The following GNAQ variants were observed in gnomAD, a reference collection of about 807,000 sequenced individuals.
The protein encoded by GNAQ is guanine nucleotide-binding protein G(q) subunit alpha.
Under a neutral mutation model 43.9 loss-of-function variants are expected in GNAQ, and 8 were observed. That is an observed-to-expected ratio of 0.18 (90% confidence interval 0.11 to 0.33). The LOEUF is 0.33. GNAQ is among the 10% of genes least tolerant of loss of function. GNAQ has a pLI of 1.00. For synonymous variants in GNAQ, 155 were observed against 170.7 expected, an observed-to-expected ratio of 0.91 and a Z score of 0.71; for missense variants, 158 against 450.8, an observed-to-expected ratio of 0.35 and a Z score of 5.88.
chr9:77,788,828 G>A (rs1480360735), intron 5 of GNAQ, among the ~76,000 whole-genome samples: 2 of 152,188 alleles, frequency 1.3e-5, no homozygotes, highest in Non-Finnish European at 1.5e-5. Context: ...CACTGTCACT[G>A]AGGGAAGCTA....
intron 5 of GNAQ, among the ~76,000 whole-genome samples, chr9:77,747,982 T>C (rs749441136): frequency 6.6e-6 from 1 of 152,142 alleles, no homozygotes; most frequent in Non-Finnish European, 1.5e-5. Flanking sequence ...CATGTGAACA[T>C]TCCTCATGTT....
chr9:77,848,502 T>G (rs1278824818), intron 2 of GNAQ, among the ~76,000 whole-genome samples: 4 of 152,252 alleles, frequency 2.6e-5, no homozygotes, highest in Non-Finnish European at 5.9e-5. Context: ...ATTGGCCTGT[T>G]TTCCCTGACA....
chr9:77,824,354 C>G (rs1291853443), intron 2 of GNAQ, among the ~76,000 whole-genome samples: 4 of 152,156 alleles, frequency 2.6e-5, no homozygotes, highest in Admixed American at 6.5e-5. Flanking sequence ...AGTAATCTCA[C>G]TCTATTATGT....
At chr9:77,743,086 C>CGTCT (rs1224808688) in intron 5 of GNAQ, among the ~76,000 whole-genome samples, 1 of 152,028 alleles carries the variant, frequency 6.6e-6, no homozygotes, top group African/African-American at 2.4e-5. Context: ...GGTGAAACCC[C>CGTCT]GTCTCTACTA....
At chr9:77,829,221 T>C (rs1309771906) in intron 2 of GNAQ, among the ~76,000 whole-genome samples, 6 of 152,228 alleles carry the variant, frequency 3.9e-5, no homozygotes, top group Admixed American at 3.3e-4. Context: ...ATTACTTTAT[T>C]TGAAGGTTTT....
At chr9:77,838,230 A>G (rs1368017425) in intron 2 of GNAQ, among the ~76,000 whole-genome samples, 2 of 126,664 alleles carry the variant, frequency 1.6e-5, no homozygotes, top group Admixed American at 1.9e-4. Flanking sequence ...CGCAACCTCC[A>G]CCTCCTGGGT....
intron 2 of GNAQ, among the ~76,000 whole-genome samples, chr9:77,828,953 G>A (rs906678380): frequency 6.6e-6 from 1 of 152,152 alleles, no homozygotes; most frequent in African/African-American, 2.4e-5. Context: ...CAGTGGTATG[G>A]CATGGGCACC....
chr9:77,903,664 T>A (rs1219916683), intron 2 of GNAQ, among the ~76,000 whole-genome samples: 2 of 152,096 alleles, frequency 1.3e-5, no homozygotes, highest in Admixed American at 1.3e-4. Flanking sequence ...GCAAAATAAT[T>A]TCTGACACTA....
At chr9:77,938,729 G>A (rs1402193775) in intron 1 of GNAQ, among the ~76,000 whole-genome samples, 2 of 152,198 alleles carry the variant, frequency 1.3e-5, no homozygotes, top group African/African-American at 4.8e-5. Flanking sequence ...GAAAACTGGT[G>A]AAGTGTGAAG....
At chr9:77,817,130 G>A (rs1020094741) in intron 2 of GNAQ, among the ~76,000 whole-genome samples, 2 of 152,152 alleles carry the variant, frequency 1.3e-5, no homozygotes, top group African/African-American at 4.8e-5. Flanking sequence ...CCAGCCTGGA[G>A]TCCTGTTCCT....
chr9:77,954,372 G>A (rs1162467768), intron 1 of GNAQ, among the ~76,000 whole-genome samples: 7 of 152,204 alleles, frequency 4.6e-5, no homozygotes, highest in Admixed American at 3.9e-4. Flanking sequence ...GTGCTAATAC[G>A]ATGTCAACCT....
intron 6 of GNAQ, among the ~76,000 whole-genome samples, chr9:77,724,917 A>G (rs138198863): frequency 3.3e-4 from 50 of 151,594 alleles, no homozygotes; most frequent in African/African-American, 1.2e-3. Flanking sequence ...TCAATGTACT[A>G]TTAACTCCAG....
chr9:77,790,362 C>T (rs1411728809), intron 5 of GNAQ, among the ~76,000 whole-genome samples: 1 of 152,154 alleles, frequency 6.6e-6, no homozygotes, highest in African/African-American at 2.4e-5. Flanking sequence ...ATTTTTAGAG[C>T]AGAACAAAGT....
chr9:77,863,343 C>T (rs749699133), intron 2 of GNAQ, among the ~76,000 whole-genome samples: 1 of 152,182 alleles, frequency 6.6e-6, no homozygotes, highest in Non-Finnish European at 1.5e-5. Flanking sequence ...CGTTGCCAGG[C>T]TCTTTGTTAA....
intron 2 of GNAQ, among the ~76,000 whole-genome samples, chr9:77,872,277 T>C (rs1828050265): frequency 6.6e-6 from 1 of 152,182 alleles, no homozygotes; most frequent in Non-Finnish European, 1.5e-5. Flanking sequence ...TATGTGAAAA[T>C]TCCTAACATC....
chr9:77,956,346 T>G (rs1040880163), intron 1 of GNAQ, among the ~76,000 whole-genome samples: 1 of 152,238 alleles, frequency 6.6e-6, no homozygotes, highest in Non-Finnish European at 1.5e-5. Flanking sequence ...AATTTAAGAT[T>G]CCTAGCTATC....
chr9:78,027,648 G>C (rs932413615), intron 1 of GNAQ, among the ~76,000 whole-genome samples: 3 of 151,822 alleles, frequency 2.0e-5, no homozygotes, highest in Non-Finnish European at 4.4e-5. Flanking sequence ...CTACCTGGGA[G>C]GCTGAGACAG....
chr9:77,950,893 G>C (rs1822965650), intron 1 of GNAQ, among the ~76,000 whole-genome samples: 1 of 152,040 alleles, frequency 6.6e-6, no homozygotes, highest in African/African-American at 2.4e-5. Flanking sequence ...CTGCGGAGCT[G>C]CTAAAAATAC....
chr9:77,886,019 C>T (rs1828299765), intron 2 of GNAQ, among the ~76,000 whole-genome samples: 1 of 152,082 alleles, frequency 6.6e-6, no homozygotes, highest in East Asian at 1.9e-4. Context: ...CTCTCTCACC[C>T]AGGCTGGAGT....
Sources: gnomAD v4.1 joint callset for allele counts (sites outside exome capture counted in the v4.1 genomes callset) on GRCh38, gnomAD v4.1.1 for gene constraint, MANE v1.5 for transcripts, NCBI Gene and HGNC (gene_info 2026-07-23, HGNC 2026-07-21) for gene names.